EVI5: variants seen among roughly 807,000 people sequenced by gnomAD.
The protein encoded by EVI5 is ecotropic viral integration site 5 protein homolog.
A neutral mutation model predicts 112.0 loss-of-function variants in EVI5; 73 were observed. That is an observed-to-expected ratio of 0.65 (90% CI 0.54 to 0.79). EVI5 has a LOEUF of 0.79. Ranked by LOEUF, EVI5 falls within the 30% of genes least tolerant of loss-of-function variation. The pLI is 0.00. For missense variants in EVI5, 900 were observed against 968.8 expected, an observed-to-expected ratio of 0.93 and a Z score of 0.94; for synonymous variants, 305 against 319.9, an observed-to-expected ratio of 0.95 and a Z score of 0.50.
intron 1 of EVI5, among the ~76,000 whole-genome samples, chr1:92,768,057 G>A (rs1298547027): frequency 7.5e-6 from 1 of 133,522 alleles, no homozygotes; most frequent in Non-Finnish European, 1.5e-5. Context: ...TCCAACCTGG[G>A]CAACAGAGCA....
intron 16 of EVI5, among the ~76,000 whole-genome samples, chr1:92,620,900 T>G (rs936775976): frequency 1.3e-5 from 2 of 152,108 alleles, no homozygotes; most frequent in African/African-American, 4.8e-5. Flanking sequence ...GCATATATAT[T>G]TGGACAATAT....
intron 18 of EVI5, among the ~76,000 whole-genome samples, chr1:92,577,098 C>T (rs1671204146): frequency 1.3e-5 from 2 of 152,140 alleles, no homozygotes; most frequent in Admixed American, 1.3e-4. Flanking sequence ...TGAGAGAACT[C>T]TAGGCCATAC....
chr1:92,647,496 C>G, intron 13 of EVI5: 2 of 491,710 alleles, frequency 4.1e-6, no homozygotes, highest in Non-Finnish European at 7.6e-6. Context: ...CAGACACTGT[C>G]TTCCACCTCT....
At chr1:92,764,117 T>G (rs139076926) in intron 1 of EVI5, among the ~76,000 whole-genome samples, 5 of 152,340 alleles carry the variant, frequency 3.3e-5, no homozygotes, top group Admixed American at 1.3e-4. Context: ...TAGCTGCAAA[T>G]ACATATTTAT....
At chr1:92,591,671 T>C (rs1673932026) in intron 18 of EVI5, among the ~76,000 whole-genome samples, 1 of 152,206 alleles carries the variant, frequency 6.6e-6, no homozygotes, top group South Asian at 2.1e-4. Flanking sequence ...TGGGAGACTT[T>C]AACACCCCAC....
intron 16 of EVI5, among the ~76,000 whole-genome samples, chr1:92,612,236 C>T (rs1004998155): frequency 1.3e-5 from 2 of 148,810 alleles, no homozygotes; most frequent in Admixed American, 6.7e-5. Context: ...CAAACCAGTA[C>T]AGAGAAAGTG....
intron 2 of EVI5, among the ~76,000 whole-genome samples, chr1:92,730,763 T>C (rs1469459965): frequency 6.6e-6 from 1 of 151,052 alleles, no homozygotes; most frequent in Non-Finnish European, 1.5e-5. Context: ...TCAAGCTTAA[T>C]GCTTTCTTCT....
intron 11 of EVI5, among the ~76,000 whole-genome samples, chr1:92,664,753 G>A (rs1664598481): frequency 6.6e-6 from 1 of 152,164 alleles, no homozygotes; most frequent in Non-Finnish European, 1.5e-5. Flanking sequence ...TATTTAATAT[G>A]AAATCATCAA....
chr1:92,652,689 A>T (rs970376923), intron 13 of EVI5, among the ~76,000 whole-genome samples: 1 of 152,062 alleles, frequency 6.6e-6, no homozygotes, highest in Admixed American at 6.5e-5. Context: ...GTGTATGCAC[A>T]ATCAAATACT....
At chr1:92,678,296 C>T (rs1046667919) in intron 9 of EVI5, among the ~76,000 whole-genome samples, 1 of 152,098 alleles carries the variant, frequency 6.6e-6, no homozygotes. Context: ...TTTGGGGGGC[C>T]AAGGGGGGCC....
upstream of EVI5, among the ~76,000 whole-genome samples, chr1:92,785,691 A>C (rs900706960): frequency 6.6e-6 from 1 of 152,220 alleles, no homozygotes; most frequent in African/African-American, 2.4e-5. Flanking sequence ...GAAGGAAAGT[A>C]CTTTGTTTGG....
chr1:92,780,251 T>C (rs1684692000), intron 1 of EVI5, among the ~76,000 whole-genome samples: 1 of 152,228 alleles, frequency 6.6e-6, no homozygotes, highest in African/African-American at 2.4e-5. Context: ...TCCCCAGCCA[T>C]ATGGCACTGT....
intron 9 of EVI5, among the ~76,000 whole-genome samples, chr1:92,686,348 C>A (rs1254761480): frequency 6.6e-6 from 1 of 152,144 alleles, no homozygotes; most frequent in Non-Finnish European, 1.5e-5. Flanking sequence ...AAGTCAACAG[C>A]CTTCATGCTA....
Position 92,607,602 on chromosome 1 carries a change from T to A in EVI5, c.1953A>T (p.Lys651Asn). Residue 651 changes from lysine to asparagine, a missense_variant, in exon 17 of 20, where the codon AAA becomes AAT. Coordinates refer to ENST00000684568, the MANE Select transcript of EVI5 (RefSeq NM_001350197.2). ...TTACCTTGCATTCAATCTCTGCTTGTTTACGCTTTGCTTCACTTAATTGAG... is the reference window on the plus strand; with the variant it reads ...TTACCTTGCATTCAATCTCTGCTTGATTACGCTTTGCTTCACTTAATTGAG... ...LLTQLSEAKRKQAEIECKNKE... is the reference protein window; with the variant it reads ...LLTQLSEAKRNQAEIECKNKE... The A allele has an allele frequency of 6.3e-7, 1 of 1,591,262 alleles. No homozygotes were observed.
intron 14 of EVI5, 44 bp from the exon 15 acceptor site, chr1:92,625,978 A>T (rs1345013735): frequency 7.9e-7 from 1 of 1,259,564 alleles, no homozygotes; most frequent in Non-Finnish European, 1.2e-6. Flanking sequence ...AAATTTAAGG[A>T]ATAAAATACA....
intron 17 of EVI5, among the ~76,000 whole-genome samples, chr1:92,606,311 G>A (rs1418256470): frequency 6.6e-6 from 1 of 152,116 alleles, no homozygotes; most frequent in Non-Finnish European, 1.5e-5. Flanking sequence ...AGGCATTTGA[G>A]GAGCAATATT....
intron 1 of EVI5, chr1:92,784,534 C>G: frequency 2.6e-5 from 16 of 607,652 alleles, no homozygotes; most frequent in Non-Finnish European, 2.9e-5. Context: ...TTTACGAGGA[C>G]GTGCCCCCGA....
chr1:92,521,923 C>T (rs1661000832), intron 19 of EVI5, among the ~76,000 whole-genome samples: 1 of 152,160 alleles, frequency 6.6e-6, no homozygotes, highest in South Asian at 2.1e-4. Context: ...AATTCTACAA[C>T]CCACAATCCG....
chr1:92,769,762 C>G (rs1435686750), intron 1 of EVI5, among the ~76,000 whole-genome samples: 1 of 152,112 alleles, frequency 6.6e-6, no homozygotes, highest in Non-Finnish European at 1.5e-5. Flanking sequence ...TGGTGGGCAT[C>G]TGTACTCCCA....
Sources: gnomAD v4.1 joint callset for allele counts (sites outside exome capture counted in the v4.1 genomes callset) on GRCh38, gnomAD v4.1.1 for gene constraint, MANE v1.5 for transcripts, NCBI Gene and HGNC (gene_info 2026-07-23, HGNC 2026-07-21) for gene names.